Variants in MAPK10 observed in about 807,000 individuals in gnomAD.
MAPK10 encodes mitogen-activated protein kinase 10, also known as JNK3 alpha protein kinase.
MAPK10 carries 25 observed loss-of-function variants against 59.3 expected under a neutral mutation model. The ratio of observed to expected loss-of-function variants is 0.42; its 90% CI spans 0.31 to 0.59. MAPK10 has a LOEUF of 0.59. Among genes scored for constraint, MAPK10 ranks in the 20% least tolerant of loss-of-function variants. The pLI, the probability that MAPK10 is intolerant of heterozygous loss-of-function variation, is 0.15. For synonymous variants in MAPK10, 190 were observed against 200.5 expected, an observed-to-expected ratio of 0.95 and a Z score of 0.44; for missense variants, 351 against 568.9, an observed-to-expected ratio of 0.62 and a Z score of 3.90.
intron 11 of MAPK10, among the ~76,000 whole-genome samples, chr4:86,060,851 T>C (rs1460368350): frequency 1.3e-5 from 2 of 152,156 alleles, no homozygotes; most frequent in Admixed American, 1.3e-4. Flanking sequence ...ATTGTCATCA[T>C]TGTTCAAAAA....
At chr4:86,232,888 G>A (rs2091780057) in intron 2 of MAPK10, among the ~76,000 whole-genome samples, 1 of 146,890 alleles carries the variant, frequency 6.8e-6, no homozygotes, top group Admixed American at 6.7e-5. Flanking sequence ...TACGAGTCAA[G>A]GGCAAGAGCA....
chr4:86,031,705 G>T lies in MAPK10; in HGVS notation c.1111-274C>A, dbSNP rs947906660. Reference sequence around the variant, plus strand: ...TCACTTTCCGACATCTTCTGATTTAGAACCCACGCCTAAGCAATTAATGAC... The same window carrying T: ...TCACTTTCCGACATCTTCTGATTTATAACCCACGCCTAAGCAATTAATGAC... On this transcript the variant is annotated intron_variant, in intron 11 of 13. Coordinates refer to ENST00000641462, the MANE Select transcript of MAPK10 (RefSeq NM_138982.4). 15 of 364,552 alleles carry T rather than the reference G, an allele frequency of 4.1e-5. 1 individual carries two copies. The South Asian group carries it at 6.3e-4, about 15-fold the overall frequency. 22.6% of individuals were successfully genotyped at this position (364,552 alleles called of 1,614,324 possible).
At chr4:86,500,430 C>A (rs1440695132) in intron 1 of MAPK10, among the ~76,000 whole-genome samples, 1 of 152,152 alleles carries the variant, frequency 6.6e-6, no homozygotes, top group African/African-American at 2.4e-5. Flanking sequence ...ACACACTCTT[C>A]TAACTAGAAA....
intron 1 of MAPK10, among the ~76,000 whole-genome samples, chr4:86,422,585 C>A (rs1279291332): frequency 6.6e-6 from 1 of 152,096 alleles, no homozygotes; most frequent in Non-Finnish European, 1.5e-5. Flanking sequence ...TGTGAATAAC[C>A]CACAATTTTA....
In MAPK10 at chr4:86,014,345, TTAA is replaced by T. The variant is rs370108200; in HGVS notation, c.*2880_*2882del. On this transcript the variant is annotated 3_prime_UTR_variant, in exon 14 of 14. Coordinates refer to ENST00000641462, the MANE Select transcript of MAPK10 (RefSeq NM_138982.4). Reference sequence around the variant, plus strand: ...GTGTGTGTGTGTGTGTGTGTGTGTGTTAAGACAGACAAGTGAATGCAGAACATA... The same window carrying T: ...GTGTGTGTGTGTGTGTGTGTGTGTGTGACAGACAAGTGAATGCAGAACATA... 6,498 of 140,326 alleles carry T rather than the reference TTAA, an allele frequency of 0.046. 193 individuals are homozygous for T. Among genetic ancestry groups the T allele is most frequent in the Non-Finnish European group, 0.067 (4,445 of 66,030 alleles). 8.7% of individuals were successfully genotyped at this position (140,326 alleles called of 1,614,324 possible). A position where few individuals can be genotyped will look rare whatever the true frequency, so the allele number is the denominator to read the frequency against.
At chr4:86,478,155 G>A (rs1325831058) in intron 1 of MAPK10, among the ~76,000 whole-genome samples, 1 of 152,026 alleles carries the variant, frequency 6.6e-6, no homozygotes, top group African/African-American at 2.4e-5. Context: ...TGGATACCTG[G>A]TTTTGCCATA....
At chr4:86,267,152 T>C (rs574702700) in intron 2 of MAPK10, among the ~76,000 whole-genome samples, 41 of 152,316 alleles carry the variant, frequency 2.7e-4, no homozygotes, top group African/African-American at 7.9e-4. Context: ...ACAAAATAAA[T>C]ACTGTCCTGA....
chr4:86,120,697 C>G (rs903705663), intron 4 of MAPK10: 1 of 152,160 alleles, frequency 6.6e-6, no homozygotes, highest in Non-Finnish European at 1.5e-5. Context: ...ACTGACCATT[C>G]AATGGACCAT....
At chr4:86,167,426 T>A (rs1414215209) in intron 3 of MAPK10, among the ~76,000 whole-genome samples, 1 of 152,128 alleles carries the variant, frequency 6.6e-6, no homozygotes, top group Non-Finnish European at 1.5e-5. Context: ...AAAAGAAAAC[T>A]TAAGGCCAAT....
chr4:86,424,832 A>C (rs1469167105), intron 1 of MAPK10, among the ~76,000 whole-genome samples: 3 of 152,194 alleles, frequency 2.0e-5, no homozygotes, highest in African/African-American at 7.2e-5. Flanking sequence ...GAAGACAAAC[A>C]AGAGAGAAAA....
Position 86,558,431 on chromosome 4 carries a change from T to C in MAPK10, c.-263+35479A>G, listed in dbSNP as rs141009244. ...ACCACACCCCTCTGAGGCAGGTTGG[T>C]ATTATTATTCCCTCTTTATAGTTGA... On this transcript the variant is annotated intron_variant, in intron 1 of 4. Transcript: ENST00000502302. Among the ~76,000 whole-genome samples the C allele has an allele frequency of 8.0e-3, 1,220 of 152,112 alleles. 12 individuals carry two copies. Among genetic ancestry groups the C allele is most frequent in the Middle Eastern group, 0.017 (5 of 294 alleles).
At chr4:86,227,603 A>C (rs773016079) in intron 2 of MAPK10, among the ~76,000 whole-genome samples, 1 of 152,182 alleles carries the variant, frequency 6.6e-6, no homozygotes, top group Non-Finnish European at 1.5e-5. Flanking sequence ...ACAAGATAGG[A>C]GATTTGGAGA....
intron 2 of MAPK10, among the ~76,000 whole-genome samples, chr4:86,237,962 G>T (rs951140527): frequency 1.3e-5 from 2 of 152,082 alleles, no homozygotes; most frequent in Non-Finnish European, 2.9e-5. Context: ...CTCTACTAGG[G>T]TTTTTATAGT....
At chr4:86,295,894 G>A (rs2095349626) in intron 2 of MAPK10, among the ~76,000 whole-genome samples, 1 of 151,036 alleles carries the variant, frequency 6.6e-6, no homozygotes. Flanking sequence ...ACCTAGCAGA[G>A]GCCGGGCACA....
chr4:86,093,945 T>TAA (rs1292414630), intron 9 of MAPK10, among the ~76,000 whole-genome samples: 1 of 151,924 alleles, frequency 6.6e-6, no homozygotes, highest in African/African-American at 2.4e-5. Flanking sequence ...GCCTACTAAA[T>TAA]TGTTTCATCC....
At chr4:86,150,316 G>A (rs1351832594) in intron 4 of MAPK10, among the ~76,000 whole-genome samples, 1 of 152,266 alleles carries the variant, frequency 6.6e-6, no homozygotes, top group East Asian at 1.9e-4. Flanking sequence ...GTAAGAGGGG[G>A]TCAAGGGATA....
At chr4:86,065,393 A>G (rs2046542960) in intron 10 of MAPK10, 1 of 152,210 alleles carries the variant, frequency 6.6e-6, no homozygotes, top group Non-Finnish European at 1.5e-5. Context: ...CCAGACACTA[A>G]TGAGAAACTC....
Position 86,017,714 on chromosome 4 carries a change from T to C in MAPK10, c.1253-344A>G, listed in dbSNP as rs1274600916. 6.6e-6 allele frequency among the ~76,000 whole-genome samples: 1 copy of C among 152,136 alleles called. No homozygotes were observed. Among genetic ancestry groups the C allele is most frequent in the African/African-American group, 2.4e-5 (1 of 41,424 alleles). On this transcript the variant is annotated intron_variant, in intron 13 of 13. Coordinates refer to ENST00000641462, the MANE Select transcript of MAPK10 (RefSeq NM_138982.4). The surrounding 1 kb of genome is among the most constrained non-coding windows in gnomAD (Gnocchi z 4.4). Reference sequence around the variant, plus strand: ...ATTGGCCTTGGGTGAGGCCAAGGTATTTGCATTTTTATTTATTTATTTTTT... The same window carrying C: ...ATTGGCCTTGGGTGAGGCCAAGGTACTTGCATTTTTATTTATTTATTTTTT...
intron 1 of MAPK10, among the ~76,000 whole-genome samples, chr4:86,487,721 ACT>A (rs1473463760): frequency 2.1e-5 from 3 of 141,618 alleles, no homozygotes; most frequent in African/African-American, 7.8e-5. Context: ...ACAGCACGAG[ACT>A]CTGTCTCAAA....
Sources: gnomAD v4.1 joint callset for allele counts (sites outside exome capture counted in the v4.1 genomes callset) on GRCh38, gnomAD v4.1.1 for gene constraint, Gnocchi (gnomAD v3.1) non-coding constraint, MANE v1.5 for transcripts, NCBI Gene and HGNC (gene_info 2026-07-23, HGNC 2026-07-21) for gene names.